Variants in DNM1 observed in about 807,000 individuals in gnomAD.
DNM1 encodes dynamin 1, also known as dynamin-1.
Under a neutral mutation model 104.6 loss-of-function variants are expected in DNM1, and 29 were observed. That is an observed-to-expected ratio of 0.28 (90% CI 0.21 to 0.38). The LOEUF (loss-of-function observed/expected upper bound fraction) is 0.38. Ranked by LOEUF, DNM1 falls within the 10% of genes least tolerant of loss-of-function variation. The probability of loss-of-function intolerance (pLI) is 1.00; values close to 1 mark genes in which losing one functional copy is unlikely to be tolerated. For missense variants in DNM1, 640 were observed against 1,189.4 expected, an observed-to-expected ratio of 0.54 and a Z score of 6.79; for synonymous variants, 445 against 475.8, an observed-to-expected ratio of 0.94 and a Z score of 0.84.
At chr9:128,250,650 G>C in intron 20 of DNM1, 75 bp from the exon 21 acceptor site, 1 of 1,274,936 alleles carries the variant, frequency 7.8e-7, no homozygotes, top group Non-Finnish European at 1.0e-6. Context: ...CCAGCACTGG[G>C]CTGGGGCGGG....
rs34446611 is a variant in DNM1, at chr9:128,243,941, T to TTGTGTGTGTG, written c.1671+1615_1671+1624dup. ...GTGGGTGCTGGGAGGCGGGGTGTGT[T>TTGTGTGTGTG]TGTGTGTGTGTGTGTGTGTGTGTGT... On this transcript the variant is annotated intron_variant, in intron 15 of 21. Coordinates refer to ENST00000372923, the MANE Select transcript of DNM1 (RefSeq NM_004408.4). This position sits in a 1 kb window ranked among gnomAD's most constrained non-coding sequence, Gnocchi z 4.0. Among the ~76,000 whole-genome samples the TTGTGTGTGTG allele has an allele frequency of 6.8e-4, 98 of 143,830 alleles. No homozygotes were observed. Among genetic ancestry groups the TTGTGTGTGTG allele is most frequent in the African/African-American group, 2.4e-3 (96 of 39,532 alleles). 94.4% of individuals were successfully genotyped at this position (143,830 alleles called of 152,430 possible). A position where few individuals can be genotyped will look rare whatever the true frequency, so the allele number is the denominator to read the frequency against.
At chr9:128,242,109 TG>T (rs1212183851) in intron 14 of DNM1, 122 bp from the exon 15 acceptor site, 1 of 684,980 alleles carries the variant, frequency 1.5e-6, no homozygotes, top group African/African-American at 1.8e-5. Context: ...CCACCCTCCC[TG>T]ACTGCCAGGC....
Position 128,254,413 on chromosome 9 carries a change from G to C in DNM1, c.2535-241G>C. On this transcript the variant is annotated intron_variant, in intron 21 of 21. Coordinates refer to ENST00000372923, the MANE Select transcript of DNM1 (RefSeq NM_004408.4). The surrounding 1 kb of genome is among the most constrained non-coding windows in gnomAD (Gnocchi z 6.1). ...GAGGCCAGCGTGTGTGGGGTGGGGA[G>C]GGCCGCCACAGCCCCCAGGCGCTAT... The C allele has an allele frequency of 2.1e-6, 3 of 1,429,402 alleles. No individual in the cohort carries two copies. The highest frequency in any genetic ancestry group is 2.7e-6 in the Non-Finnish European group (3 of 1,098,930). 88.5% of individuals were successfully genotyped at this position (1,429,402 alleles called of 1,614,324 possible). A position where few individuals can be genotyped will look rare whatever the true frequency, so the allele number is the denominator to read the frequency against.
Position 128,248,222 on chromosome 9 carries a change from G to T in DNM1, c.1905+287G>T, listed in dbSNP as rs1358541480. 4.6e-5 allele frequency: 24 copies of T among 519,028 alleles called. No homozygotes were observed. In the East Asian group the frequency reaches 8.6e-4, roughly 19 times the overall value. 32.2% of individuals were successfully genotyped at this position (519,028 alleles called of 1,614,324 possible). A position where few individuals can be genotyped will look rare whatever the true frequency, so the allele number is the denominator to read the frequency against. ...CGCGCCTGTAATCCCAGCTACTCAG[G>T]AGGCTGAGGCAGGAGAATCGCTTGA... is the stretch of plus-strand genomic sequence containing the variant. On this transcript the variant is annotated intron_variant, in intron 18 of 21. Transcript: ENST00000372923. The surrounding 1 kb of genome is among the most constrained non-coding windows in gnomAD (Gnocchi z 5.6).
At position 128,253,792 on chromosome 9, in the gene DNM1, C is replaced by T. The variant is rs890436845; in HGVS notation, c.2535-862C>T. On this transcript the variant is annotated intron_variant, in intron 21 of 21. Transcript: ENST00000372923. The surrounding 1 kb of genome is among the most constrained non-coding windows in gnomAD (Gnocchi z 5.9). ...CCCTTCCCTCCCTCCCAGGTACCGTCATAGCTGCTAGTGTGACTGAAGGCA... is the reference window on the plus strand; with the variant it reads ...CCCTTCCCTCCCTCCCAGGTACCGTTATAGCTGCTAGTGTGACTGAAGGCA... 1.3e-5 allele frequency: 7 copies of T among 535,596 alleles called. No homozygotes were observed. The African/African-American group carries it at 1.4e-4, about 11-fold the overall frequency. 33.2% of individuals were successfully genotyped at this position (535,596 alleles called of 1,614,324 possible). A position where few individuals can be genotyped will look rare whatever the true frequency, so the allele number is the denominator to read the frequency against.
At chr9:128,232,169 C>T in intron 10 of DNM1, 1 of 404,922 alleles carries the variant, frequency 2.5e-6, no homozygotes, top group Non-Finnish European at 5.0e-6. Context: ...TTGCGCCCTC[C>T]TCCTCCCTCC....
At chr9:128,219,333 A>G in intron 4 of DNM1, 81 bp downstream of exon 4, 1 of 1,278,012 alleles carries the variant, frequency 7.8e-7, no homozygotes, top group Admixed American at 1.7e-5. Context: ...GAGCCTCTGA[A>G]CGGTCTAAGA....
At chr9:128,237,436 ATT>A (rs1292096775) in intron 11 of DNM1, among the ~76,000 whole-genome samples, 1 of 151,566 alleles carries the variant, frequency 6.6e-6, no homozygotes, top group East Asian at 1.9e-4. Context: ...TAATTTTTGT[ATT>A]TTTGTAGAGA....
chr9:128,204,402 G>A (rs1291750932), intron 1 of DNM1: 1 of 152,416 alleles, frequency 6.6e-6, no homozygotes, highest in African/African-American at 2.4e-5. Context: ...AGGCGGCAGA[G>A]GGCAGAGATG....
intron 1 of DNM1, among the ~76,000 whole-genome samples, chr9:128,209,752 C>T (rs1181373004): frequency 6.6e-6 from 1 of 152,212 alleles, no homozygotes; most frequent in Non-Finnish European, 1.5e-5. Context: ...AGAAAGGACC[C>T]ACCTTGGGCC....
chr9:128,207,631 C>T (rs1834048004), intron 1 of DNM1, among the ~76,000 whole-genome samples: 1 of 152,154 alleles, frequency 6.6e-6, no homozygotes, highest in Admixed American at 6.5e-5. Context: ...AACTCTGCCA[C>T]TTACAAGCAG....
intron 1 of DNM1, among the ~76,000 whole-genome samples, chr9:128,213,564 C>T (rs754321087): frequency 4.0e-4 from 61 of 152,214 alleles, no homozygotes; most frequent in Admixed American, 6.5e-4. Flanking sequence ...ATAGGCTCTG[C>T]TTAATAGGGA....
In DNM1 at chr9:128,222,452, TC is replaced by T. The variant is rs1315171641; in HGVS notation, c.993-6del. 2 of 1,613,988 alleles carry T rather than the reference TC, an allele frequency of 1.2e-6. No individual in the cohort carries two copies. The highest frequency in any genetic ancestry group is 2.2e-5 in the South Asian group (2 of 91,074). ...CCTGCCCCCTCAGGCCACACCACTC[TC>T]CCACCAGGATGGTCCAGCAGTTCGC... On this transcript the variant is annotated splice_region_variant and splice_polypyrimidine_tract_variant and intron_variant, in intron 7 of 21. Coordinates refer to ENST00000372923, the MANE Select transcript of DNM1 (RefSeq NM_004408.4). The surrounding 1 kb of genome is among the most constrained non-coding windows in gnomAD (Gnocchi z 7.8).
intron 19 of DNM1, 78 bp from the exon 20 acceptor site, chr9:128,250,037 C>G (rs1411578189): frequency 1.2e-6 from 2 of 1,606,752 alleles, no homozygotes; most frequent in Admixed American, 3.3e-5. Context: ...AGCTCACAGT[C>G]CCAGCAGGGC....
rs1199218218 is a variant in DNM1 at position 128,224,913 on chromosome 9, C to T, written c.1335+524C>T. Among the ~76,000 whole-genome samples, 1 of 152,136 alleles carries T rather than the reference C, an allele frequency of 6.6e-6. No homozygotes were observed. The highest frequency in any genetic ancestry group is 1.5e-5 in the Non-Finnish European group (1 of 68,006). Reference sequence around the variant, plus strand: ...ACTCATCTCACCCTCACTCAGGACCCTCACACAGGATGCTCACGTAAGACC... The same window carrying T: ...ACTCATCTCACCCTCACTCAGGACCTTCACACAGGATGCTCACGTAAGACC... On this transcript the variant is annotated intron_variant, in intron 10 of 21. Coordinates refer to ENST00000372923, the MANE Select transcript of DNM1 (RefSeq NM_004408.4). The surrounding 1 kb of genome is among the most constrained non-coding windows in gnomAD (Gnocchi z 4.3).
intron 1 of DNM1, among the ~76,000 whole-genome samples, chr9:128,213,031 T>C (rs1834394708): frequency 1.3e-5 from 2 of 152,228 alleles, no homozygotes; most frequent in South Asian, 4.1e-4. Flanking sequence ...CATCAGGTGT[T>C]GGGATGACGA....
rs748587765 is a variant in DNM1 at position 128,218,505 on chromosome 9, G to A, written c.236-77G>A. ...GGTGTGTCTAGGGGGTTCTATTACCGGTGGGAGATGAAAACCCCCAGGTGG... is the reference window on the plus strand; with the variant it reads ...GGTGTGTCTAGGGGGTTCTATTACCAGTGGGAGATGAAAACCCCCAGGTGG... On this transcript the variant is annotated intron_variant, in intron 2 of 21. Transcript: ENST00000372923. The surrounding 1 kb of genome is among the most constrained non-coding windows in gnomAD (Gnocchi z 4.8). 2.8e-5 allele frequency: 42 copies of A among 1,521,750 alleles called. No individual in the cohort carries two copies. The highest frequency in any genetic ancestry group is 3.5e-5 in the Non-Finnish European group (39 of 1,112,408). 94.3% of individuals were successfully genotyped at this position (1,521,750 alleles called of 1,614,324 possible).
At chr9:128,244,065 G>T (rs993314268) in intron 15 of DNM1, among the ~76,000 whole-genome samples, 73 of 151,852 alleles carry the variant, frequency 4.8e-4, no homozygotes, top group Admixed American at 2.0e-4. Flanking sequence ...TTGCATCTGG[G>T]GGTGAAATCT....
intron 10 of DNM1, among the ~76,000 whole-genome samples, chr9:128,230,801 G>T (rs1014568954): frequency 1.3e-5 from 2 of 149,468 alleles, no homozygotes; most frequent in African/African-American, 4.9e-5. Context: ...GAGTCTGTGT[G>T]ATTTCTTTTT....
Sources: allele counts gnomAD v4.1 joint callset (sites outside exome capture counted in the v4.1 genomes callset), GRCh38; gene constraint gnomAD v4.1.1; non-coding constraint Gnocchi (gnomAD v3.1); transcripts MANE v1.5; gene names NCBI Gene and HGNC (gene_info 2026-07-23, HGNC 2026-07-21).